Variants in FGF20 observed in about 807,000 individuals in gnomAD.
FGF20 encodes fibroblast growth factor 20.
Under a neutral mutation model 16.7 loss-of-function variants are expected in FGF20, and 8 were observed. The observed-to-expected ratio is 0.48, with a 90% CI of 0.28 to 0.87. The LOEUF (loss-of-function observed/expected upper bound fraction) is 0.87. FGF20 is among the 40% of genes least tolerant of loss of function. The pLI is 0.10. For synonymous variants in FGF20, 161 were observed against 118.6 expected (o/e 1.36, Z -2.32); for missense variants, 397 against 281.4 (o/e 1.41, Z -2.94).
At position 16,993,224 on chromosome 8, in the gene FGF20, C is replaced by T. The variant is rs143400495; in HGVS notation, c.484G>A (p.Gly162Ser). 1 of 1,614,132 alleles carries T rather than the reference C, an allele frequency of 6.2e-7. No individual in the cohort carries two copies. The highest frequency in any genetic ancestry group is 1.1e-5 in the South Asian group (1 of 91,082). Residue 162 changes from glycine (G) to serine (S), a missense_variant, in exon 3 of 3, where the codon GGC becomes AGC. By Grantham distance (56) the Gly-to-Ser change is moderately conservative (BLOSUM62 0). Coordinates refer to ENST00000180166, the MANE Select transcript of FGF20 (RefSeq NM_019851.3). ...TTAAGTGCCACAAAATACCTGCGGCCAGTGTCTCCATGTTTATATATGTTA... is the reference window on the plus strand; with the variant it reads ...TTAAGTGCCACAAAATACCTGCGGCTAGTGTCTCCATGTTTATATATGTTA... ...SSNIYKHGDT[G>S]RRYFVALNKD...
chr8:16,996,121 C>G (rs536197222), intron 1 of FGF20, among the ~76,000 whole-genome samples: 2 of 152,098 alleles, frequency 1.3e-5, no homozygotes, highest in Non-Finnish European at 2.9e-5. Context: ...GGGATTCAAT[C>G]TGTGAGATGG....
chr8:17,001,939 C>G lies in FGF20; in HGVS notation c.94G>C (p.Glu32Gln), dbSNP rs754861005. Residue 32 changes from glutamate (E) to glutamine (Q), a missense_variant, in exon 1 of 3, where the codon GAG becomes CAG. Glu to Gln is a conservative substitution (Grantham distance 29, BLOSUM62 2). Coordinates refer to ENST00000180166, the MANE Select transcript of FGF20 (RefSeq NM_019851.3). ...CGCTCGCCCAGCAGCGGCGGCCGCT[C>G]CCCGGCAGGAGGCAACAGGAAATGC... ...GSHFLLPPAG[E>Q]RPPLLGERRS... 1 of 1,496,520 alleles carries G rather than the reference C, an allele frequency of 6.7e-7. No homozygotes were observed. Among genetic ancestry groups the G allele is most frequent in the Non-Finnish European group, 8.9e-7 (1 of 1,124,298 alleles). 92.7% of individuals were successfully genotyped at this position (1,496,520 alleles called of 1,614,324 possible).
At chr8:16,994,383 ATTG>A (rs1809995361) in intron 2 of FGF20, among the ~76,000 whole-genome samples, 2 of 152,170 alleles carry the variant, frequency 1.3e-5, no homozygotes, top group African/African-American at 4.8e-5. Context: ...ATTAAGATTT[ATTG>A]TCTTTTCAAA....
Position 16,994,351 on chromosome 8 carries a change from T to C in FGF20, c.391-1034A>G, listed in dbSNP as rs553735458. Among the ~76,000 whole-genome samples, 29 of 152,236 alleles carry C rather than the reference T, an allele frequency of 1.9e-4. 1 individual carries two copies. Among genetic ancestry groups the C allele is most frequent in the Non-Finnish European group, 3.8e-4 (26 of 68,042 alleles). On this transcript the variant is annotated intron_variant, in intron 2 of 2. Transcript: ENST00000180166. Reference sequence around the variant, plus strand: ...CTGTTTGATGATACATTCTCCACGATTTTTTATCTGGATCTTTTACGATTA... The same window carrying C: ...CTGTTTGATGATACATTCTCCACGACTTTTTATCTGGATCTTTTACGATTA...
chr8:16,999,412 T>C (rs1810130594), intron 1 of FGF20, among the ~76,000 whole-genome samples: 1 of 151,998 alleles, frequency 6.6e-6, no homozygotes, highest in African/African-American at 2.4e-5. Context: ...AGTCTACAAA[T>C]ATTTACTAAT....
chr8:16,992,441 G>T lies in FGF20; in HGVS notation c.*631C>A, dbSNP rs964320893. The T allele has an allele frequency of 6.6e-5, 10 of 151,592 alleles. No homozygotes were observed. The highest frequency in any genetic ancestry group is 9.7e-5 in the African/African-American group (4 of 41,332). 9.4% of individuals were successfully genotyped at this position (151,592 alleles called of 1,614,324 possible). Reference sequence around the variant, plus strand: ...GAAGTTTTGTTGTTTTTTACTCTTTGTATTATCTTCATATCCCAGTAAAAA... The same window carrying T: ...GAAGTTTTGTTGTTTTTTACTCTTTTTATTATCTTCATATCCCAGTAAAAA... On this transcript the variant is annotated 3_prime_UTR_variant, in exon 3 of 3. Transcript: ENST00000180166.
chr8:17,001,357 G>T (rs2150437044), intron 1 of FGF20, among the ~76,000 whole-genome samples: 1 of 152,148 alleles, frequency 6.6e-6, no homozygotes, highest in Middle Eastern at 3.4e-3. Flanking sequence ...AAACATACAG[G>T]GATTTTTTTT....
intron 2 of FGF20, 122 bp downstream of exon 2, chr8:16,995,533 T>C (rs945460288): frequency 8.4e-5 from 38 of 452,732 alleles, no homozygotes; most frequent in African/African-American, 7.6e-4. Flanking sequence ...TAGATTTCAA[T>C]TTCTACGTAA....
chr8:16,992,603 G>GTT lies in FGF20; in HGVS notation c.*467_*468dup, dbSNP rs750613452. ...TCATGTTTCACCCAGGTGTTGTTTA[G>GTT]TTTTTTTTTTTCTTAAAACATATAA... On this transcript the variant is annotated 3_prime_UTR_variant, in exon 3 of 3. Coordinates refer to ENST00000180166, the MANE Select transcript of FGF20 (RefSeq NM_019851.3). 2 of 146,804 alleles carry GTT rather than the reference G, an allele frequency of 1.4e-5. No homozygotes were observed. The highest frequency in any genetic ancestry group is 1.5e-5 in the Non-Finnish European group (1 of 66,518). The allele number at this position is 146,804 out of a possible 1,614,324, so 9.1% of individuals were successfully genotyped here.
At chr8:17,001,605 C>G (rs1425464730) in intron 1 of FGF20, 142 bp downstream of exon 1, 2 of 953,662 alleles carry the variant, frequency 2.1e-6, no homozygotes, top group East Asian at 3.3e-5. Context: ...CAGCCTGCGT[C>G]TTGCACCGGA....
chr8:16,993,040 G>A lies in FGF20; in HGVS notation c.*32C>T, dbSNP rs1296865111. On this transcript the variant is annotated 3_prime_UTR_variant, in exon 3 of 3. Coordinates refer to ENST00000180166, the MANE Select transcript of FGF20 (RefSeq NM_019851.3). ...ACTATGACAAGAAAGAATGGTTGTG[G>A]TTTGACTCTTCCATAATGTCACTAT... 3 of 1,603,452 alleles carry A rather than the reference G, an allele frequency of 1.9e-6. No homozygotes were observed. The highest frequency in any genetic ancestry group is 2.2e-5 in the South Asian group (2 of 89,426).
At chr8:16,997,828 A>G (rs1810090314) in intron 1 of FGF20, among the ~76,000 whole-genome samples, 1 of 152,228 alleles carries the variant, frequency 6.6e-6, no homozygotes, top group South Asian at 2.1e-4. Flanking sequence ...GGCCCAAAAC[A>G]TAATTGGTAG....
chr8:17,001,884 C>G lies in FGF20; in HGVS notation c.149G>C (p.Gly50Ala), dbSNP rs774926782. ...RRSAAERSAR[G>A]GPGAAQLAHL... Reference sequence around the variant, plus strand: ...CGCCAGCTGCGCAGCCCCCGGCCCGCCGCGCGCGCTCCGCTCCGCCGCGCT... The same window carrying G: ...CGCCAGCTGCGCAGCCCCCGGCCCGGCGCGCGCGCTCCGCTCCGCCGCGCT... Residue 50 changes from glycine (G) to alanine (A), a missense_variant, in exon 1 of 3, where the codon GGC becomes GCC. Physicochemically the swap from Gly to Ala is moderately conservative, Grantham distance 60. Transcript: ENST00000180166. 7.0e-7 allele frequency: 1 copy of G among 1,437,384 alleles called. No individual in the cohort carries two copies. The highest frequency in any genetic ancestry group is 9.1e-7 in the Non-Finnish European group (1 of 1,100,488). The allele number at this position is 1,437,384 out of a possible 1,614,324, so 89.0% of individuals were successfully genotyped here. A position where few individuals can be genotyped will look rare whatever the true frequency, so the allele number is the denominator to read the frequency against.
intron 1 of FGF20, among the ~76,000 whole-genome samples, chr8:16,997,086 G>T (rs1810070823): frequency 6.6e-6 from 1 of 152,180 alleles, no homozygotes; most frequent in Admixed American, 6.5e-5. Flanking sequence ...TAACTTTCTA[G>T]AATTATTTCC....
chr8:16,994,890 T>G (rs1003645928), intron 2 of FGF20, among the ~76,000 whole-genome samples: 1 of 152,122 alleles, frequency 6.6e-6, no homozygotes. Context: ...ATGTTAACAA[T>G]GAAAGAGAAA....
At position 16,993,226 on chromosome 8, in the gene FGF20, G is replaced by T. The variant is rs757072657; in HGVS notation, c.482C>A (p.Thr161Asn). Residue 161 changes from threonine (T) to asparagine (N), a missense_variant, in exon 3 of 3, where the codon ACT becomes AAT. By Grantham distance (65) the Thr-to-Asn change is moderately conservative (BLOSUM62 0). Transcript: ENST00000180166. The part of the protein sequence containing the change: ...YSSNIYKHGD[T>N]GRRYFVALNK... Reference sequence around the variant, plus strand: ...AAGTGCCACAAAATACCTGCGGCCAGTGTCTCCATGTTTATATATGTTAGA... The same window carrying T: ...AAGTGCCACAAAATACCTGCGGCCATTGTCTCCATGTTTATATATGTTAGA... The T allele has an allele frequency of 1.2e-6, 2 of 1,614,062 alleles. No homozygotes were observed. The highest frequency in any genetic ancestry group is 1.7e-6 in the Non-Finnish European group (2 of 1,180,008).
At position 16,992,732 on chromosome 8, in the gene FGF20, A is replaced by G. The variant is rs1809943101; in HGVS notation, c.*340T>C. 5.8e-6 allele frequency: 1 copy of G among 173,238 alleles called. No homozygotes were observed. The highest frequency in any genetic ancestry group is 2.4e-5 in the African/African-American group (1 of 42,080). 10.7% of individuals were successfully genotyped at this position (173,238 alleles called of 1,614,324 possible). ...CATGAAGTCTCTATTTTTAACATAA[A>G]TTTTAAAGTAAACATAATCCAGAGA... On this transcript the variant is annotated 3_prime_UTR_variant, in exon 3 of 3. Coordinates refer to ENST00000180166, the MANE Select transcript of FGF20 (RefSeq NM_019851.3).
intron 1 of FGF20, among the ~76,000 whole-genome samples, chr8:17,001,513 A>C (rs888647246): frequency 6.6e-6 from 1 of 152,092 alleles, no homozygotes; most frequent in African/African-American, 2.4e-5. Flanking sequence ...CAGCATCTGG[A>C]GCTGCTGCCC....
chr8:17,002,170 AG>A lies in FGF20; in HGVS notation c.-139del. On this transcript the variant is annotated 5_prime_UTR_variant, in exon 1 of 3. Coordinates refer to ENST00000180166, the MANE Select transcript of FGF20 (RefSeq NM_019851.3). ...GGTTACTCCTCTGAGGTCGCTCCGGAGGGACTTTGCACTGAAATGGCAGGGA... is the reference window on the plus strand; with the variant it reads ...GGTTACTCCTCTGAGGTCGCTCCGGAGGACTTTGCACTGAAATGGCAGGGA... 1 of 848,556 alleles carries A rather than the reference AG, an allele frequency of 1.2e-6. No individual in the cohort carries two copies. The highest frequency in any genetic ancestry group is 2.5e-5 in the South Asian group (1 of 40,114). 52.6% of individuals were successfully genotyped at this position (848,556 alleles called of 1,614,324 possible).
Sources: gnomAD v4.1 joint callset for allele counts (sites outside exome capture counted in the v4.1 genomes callset) on GRCh38, gnomAD v4.1.1 for gene constraint, MANE v1.5 for transcripts, NCBI Gene and HGNC (gene_info 2026-07-23, HGNC 2026-07-21) for gene names.